WDFY2: variants seen among roughly 807,000 people sequenced by gnomAD.
WDFY2 encodes WD repeat and FYVE domain containing 2.
In WDFY2, 36 loss-of-function variants were observed where a neutral mutation model predicts 56.4. The ratio of observed to expected loss-of-function variants is 0.64; its 90% CI spans 0.49 to 0.84. The LOEUF is 0.84. WDFY2 is among the 40% of genes least tolerant of loss of function. The probability of loss-of-function intolerance (pLI) is 0.00; values close to 1 mark genes in which losing one functional copy is unlikely to be tolerated. For missense variants in WDFY2, 444 were observed against 512.2 expected, an observed-to-expected ratio of 0.87 and a Z score of 1.29; for synonymous variants, 176 against 183.7, an observed-to-expected ratio of 0.96 and a Z score of 0.34.
At chr13:51,591,377 T>C (rs1954040476) in intron 1 of WDFY2, 4 of 152,340 alleles carry the variant, frequency 2.6e-5, no homozygotes, top group Non-Finnish European at 5.9e-5. Flanking sequence ...TAACACCCAG[T>C]TGAACTAGAT....
At chr13:51,606,044 A>G (rs1043437196) in intron 1 of WDFY2, among the ~76,000 whole-genome samples, 1 of 152,244 alleles carries the variant, frequency 6.6e-6, no homozygotes, top group Admixed American at 6.5e-5. Context: ...GAAGAAAGCC[A>G]GTAACATCTA....
chr13:51,654,199 G>A (rs533367310), intron 1 of WDFY2, among the ~76,000 whole-genome samples: 26 of 152,332 alleles, frequency 1.7e-4, no homozygotes, highest in African/African-American at 6.3e-4. Context: ...AGGACCCTCC[G>A]AGCCAGGCGC....
At chr13:51,672,689 G>A (rs2138495443) in intron 2 of WDFY2, among the ~76,000 whole-genome samples, 1 of 152,222 alleles carries the variant, frequency 6.6e-6, no homozygotes, top group South Asian at 2.1e-4. Flanking sequence ...CATGGGATAT[G>A]TTTCCATTTG....
chr13:51,705,184 A>G (rs1952058109), intron 4 of WDFY2, among the ~76,000 whole-genome samples: 1 of 152,234 alleles, frequency 6.6e-6, no homozygotes, highest in African/African-American at 2.4e-5. Context: ...ATAGCCCACA[A>G]GGAACTGAAT....
At chr13:51,721,443 A>G (rs1403985533) in intron 5 of WDFY2, among the ~76,000 whole-genome samples, 1 of 152,138 alleles carries the variant, frequency 6.6e-6, no homozygotes, top group Non-Finnish European at 1.5e-5. Flanking sequence ...TAAAAAACAA[A>G]TGGACAATGT....
At chr13:51,657,055 A>G (rs1955521739) in intron 1 of WDFY2, among the ~76,000 whole-genome samples, 1 of 151,456 alleles carries the variant, frequency 6.6e-6, no homozygotes. Context: ...TTGTTTCTCA[A>G]TTTCTCCACT....
At chr13:51,663,552 C>G (rs1955650306) in intron 2 of WDFY2, among the ~76,000 whole-genome samples, 1 of 152,138 alleles carries the variant, frequency 6.6e-6, no homozygotes. Flanking sequence ...TCCTAGGAAT[C>G]TTACGCATTC....
At chr13:51,618,190 A>G (rs1954656702) in intron 1 of WDFY2, among the ~76,000 whole-genome samples, 1 of 152,250 alleles carries the variant, frequency 6.6e-6, no homozygotes, top group Non-Finnish European at 1.5e-5. Flanking sequence ...TATTAGTATC[A>G]ACACTTCTTT....
Position 51,675,512 on chromosome 13 carries a change from A to G in WDFY2, c.279+269A>G, listed in dbSNP as rs74086237. On this transcript the variant is annotated intron_variant, in intron 3 of 11. Coordinates refer to ENST00000298125, the MANE Select transcript of WDFY2 (RefSeq NM_052950.4). ...AATCGGAGGCCAATGAGTAAACTGC[A>G]TGAATCTGCATTAGTGAGAGCAAGC... Among the ~76,000 whole-genome samples the G allele has an allele frequency of 3.1e-3, 473 of 152,338 alleles. 2 individuals are homozygous for G. Among genetic ancestry groups the G allele is most frequent in the African/African-American group, 0.011 (453 of 41,576 alleles).
At chr13:51,641,730 G>T (rs1278855703) in intron 1 of WDFY2, among the ~76,000 whole-genome samples, 1 of 147,678 alleles carries the variant, frequency 6.8e-6, no homozygotes, top group East Asian at 2.0e-4. Flanking sequence ...GGAGGCTGAG[G>T]CAGGAGAATG....
intron 3 of WDFY2, among the ~76,000 whole-genome samples, chr13:51,692,679 G>T (rs1017081537): frequency 6.6e-6 from 1 of 152,156 alleles, no homozygotes; most frequent in African/African-American, 2.4e-5. Flanking sequence ...TCTCTGCCTG[G>T]CTTTGGTATC....
At chr13:51,646,114 C>G (rs1382956929) in intron 1 of WDFY2, among the ~76,000 whole-genome samples, 1 of 152,210 alleles carries the variant, frequency 6.6e-6, no homozygotes, top group Admixed American at 6.5e-5. Flanking sequence ...TGCCTACATC[C>G]TCCAAACTGG....
At chr13:51,680,454 A>G (rs981273184) in intron 3 of WDFY2, among the ~76,000 whole-genome samples, 2 of 152,014 alleles carry the variant, frequency 1.3e-5, no homozygotes, top group Non-Finnish European at 2.9e-5. Context: ...TCTCCCCCTA[A>G]TCCAGTATGA....
chr13:51,652,717 G>A (rs549173818), intron 1 of WDFY2, among the ~76,000 whole-genome samples: 11 of 152,136 alleles, frequency 7.2e-5, no homozygotes, highest in East Asian at 1.9e-4. Flanking sequence ...TTCTTTAAGA[G>A]TGTTGAATAT....
At chr13:51,618,728 A>G (rs1954669750) in intron 1 of WDFY2, among the ~76,000 whole-genome samples, 1 of 152,214 alleles carries the variant, frequency 6.6e-6, no homozygotes, top group African/African-American at 2.4e-5. Flanking sequence ...GCCTGTGGCT[A>G]ATTAACCTAT....
intron 1 of WDFY2, among the ~76,000 whole-genome samples, chr13:51,648,858 T>G (rs887614549): frequency 6.6e-6 from 1 of 152,202 alleles, no homozygotes; most frequent in Non-Finnish European, 1.5e-5. Flanking sequence ...TGTTTTTAAA[T>G]AGCTCAGGCC....
At position 51,639,661 on chromosome 13, in the gene WDFY2, T is replaced by G. The variant is rs552671182; in HGVS notation, c.138-20935T>G. Among the ~76,000 whole-genome samples, 3 of 152,306 alleles carry G rather than the reference T, an allele frequency of 2.0e-5. No individual in the cohort carries two copies. In the East Asian group the frequency reaches 5.8e-4, roughly 29 times the overall value. On this transcript the variant is annotated intron_variant, in intron 1 of 11. Coordinates refer to ENST00000298125, the MANE Select transcript of WDFY2 (RefSeq NM_052950.4). ...ATTCCATCCAGAAACTCAGTACTTGTCTCTTTGTCATAAAGGAAAGTAGAT... is the reference window on the plus strand; with the variant it reads ...ATTCCATCCAGAAACTCAGTACTTGGCTCTTTGTCATAAAGGAAAGTAGAT...
At chr13:51,604,462 G>GT (rs912735381) in intron 1 of WDFY2, among the ~76,000 whole-genome samples, 37 of 152,218 alleles carry the variant, frequency 2.4e-4, no homozygotes, top group African/African-American at 8.9e-4. Flanking sequence ...GGAAAGGGCA[G>GT]TTTATTATGA....
At chr13:51,741,997 T>C (rs1566215035) in intron 7 of WDFY2, among the ~76,000 whole-genome samples, 1 of 152,180 alleles carries the variant, frequency 6.6e-6, no homozygotes, top group Non-Finnish European at 1.5e-5. Context: ...CAGTTCCTGG[T>C]TAAAGTGACT....
Sources: gnomAD v4.1 joint callset for allele counts (sites outside exome capture counted in the v4.1 genomes callset) on GRCh38, gnomAD v4.1.1 for gene constraint, MANE v1.5 for transcripts, NCBI Gene and HGNC (gene_info 2026-07-23, HGNC 2026-07-21) for gene names.